The following MRPL37 variants were observed in gnomAD, a reference collection of about 807,000 sequenced individuals.
MRPL37 encodes the protein large ribosomal subunit protein mL37.
A neutral mutation model predicts 44.1 loss-of-function variants in MRPL37; 34 were observed. That is an observed-to-expected ratio of 0.77 (90% confidence interval 0.59 to 1.03). The LOEUF (loss-of-function observed/expected upper bound fraction) is 1.03. MRPL37 is among the 50% of genes least tolerant of loss of function. MRPL37 has a pLI of 0.00. For synonymous variants in MRPL37, 212 were observed against 219.5 expected, an observed-to-expected ratio of 0.97 and a Z score of 0.30; for missense variants, 532 against 543.7, an observed-to-expected ratio of 0.98 and a Z score of 0.21.
intron 3 of MRPL37, among the ~76,000 whole-genome samples, chr1:54,209,564 A>G (rs1413776463): frequency 6.7e-6 from 1 of 149,658 alleles, no homozygotes; most frequent in Non-Finnish European, 1.5e-5. Flanking sequence ...GGTTCATGCC[A>G]TTCTCCCGCC....
At chr1:54,220,644 A>G (rs756813753), downstream of MRPL37, 2 of 471,706 alleles carry the variant, frequency 4.2e-6, no homozygotes, top group African/African-American at 2.0e-5. Context: ...CCAAATGTCT[A>G]CCAGCTTCGT....
downstream of MRPL37, chr1:54,218,418 G>A: frequency 1.4e-6 from 2 of 1,464,504 alleles, no homozygotes; most frequent in Non-Finnish European, 1.8e-6. Context: ...ATCGGGAAGG[G>A]CGCCCACACA....
In MRPL37 at chr1:54,210,041, AC is replaced by A; in HGVS notation, c.743del (p.Thr248IlefsTer6). 1 of 1,614,176 alleles carries A rather than the reference AC, an allele frequency of 6.2e-7. No homozygotes were observed. Among genetic ancestry groups the A allele is most frequent in the Non-Finnish European group, 8.5e-7 (1 of 1,180,010 alleles). ...CGCCTCCAGAGAGGAGATTGAAGCT[AC>A]TAAGAATCATGTTCTAGAGACCTTC... is the stretch of plus-strand genomic sequence containing the variant. ...TIASREEIEA[T>X]KNHVLETFYP... On this transcript the variant is annotated frameshift_variant, in exon 4 of 7. Coordinates refer to ENST00000360840, the MANE Select transcript of MRPL37 (RefSeq NM_016491.4). LOFTEE classifies it high-confidence loss of function.
downstream of MRPL37, chr1:54,218,466 C>A: frequency 8.7e-7 from 1 of 1,148,172 alleles, no homozygotes; most frequent in Admixed American, 3.0e-5. Flanking sequence ...CCAGCTGAAG[C>A]CCAGCTCTGC....
downstream of MRPL37, among the ~76,000 whole-genome samples, chr1:54,221,750 G>C (rs778288209): frequency 6.6e-6 from 1 of 152,144 alleles, no homozygotes; most frequent in Non-Finnish European, 1.5e-5. Context: ...CTCCTCCCCA[G>C]CTAGGCCAAT....
At chr1:54,208,833 T>G (rs1461362711) in intron 3 of MRPL37, among the ~76,000 whole-genome samples, 3 of 152,006 alleles carry the variant, frequency 2.0e-5, no homozygotes, top group Non-Finnish European at 4.4e-5. Context: ...ATCTTTGACA[T>G]GATGTGGATG....
intron 5 of MRPL37, among the ~76,000 whole-genome samples, chr1:54,213,845 CG>C (rs931867003): frequency 6.6e-6 from 1 of 151,972 alleles, no homozygotes; most frequent in African/African-American, 2.4e-5. Context: ...GCCAGGAGTT[CG>C]AGACCAGCCT....
chr1:54,206,778 T>TG (rs1236595336), intron 3 of MRPL37, among the ~76,000 whole-genome samples: 8 of 151,798 alleles, frequency 5.3e-5, no homozygotes, highest in Non-Finnish European at 1.2e-4. Context: ...TTGCTCTTGT[T>TG]GCCTGGGCTG....
At chr1:54,216,949 G>A (rs899057260) in intron 6 of MRPL37, among the ~76,000 whole-genome samples, 5 of 152,074 alleles carry the variant, frequency 3.3e-5, no homozygotes, top group Admixed American at 6.6e-5. Flanking sequence ...CCACAGATAC[G>A]GAGTTCCTCC....
chr1:54,213,340 G>A (rs1644177336), intron 5 of MRPL37, among the ~76,000 whole-genome samples: 1 of 152,244 alleles, frequency 6.6e-6, no homozygotes, highest in Non-Finnish European at 1.5e-5. Flanking sequence ...GGTTTGGGGT[G>A]TGTTGGGGGG....
At chr1:54,218,042 C>CGA (rs1309245787) in intron 6 of MRPL37, 130 bp from the exon 7 acceptor site, 13 of 877,472 alleles carry the variant, frequency 1.5e-5, no homozygotes, top group East Asian at 4.8e-5. Flanking sequence ...CTTCTTAGTC[C>CGA]GAGAGAGAGA....
chr1:54,225,073 G>A (rs757804246), downstream of MRPL37: 284 of 1,233,328 alleles, frequency 2.3e-4, no homozygotes, highest in South Asian at 7.0e-4. Flanking sequence ...GGCCGATAGC[G>A]ACTCCCCATA....
chr1:54,216,555 C>T (rs992726790), intron 6 of MRPL37, among the ~76,000 whole-genome samples: 1 of 152,188 alleles, frequency 6.6e-6, no homozygotes, highest in Non-Finnish European at 1.5e-5. Flanking sequence ...TCCCTTTGCA[C>T]CCTCCAGCCA....
Position 54,209,937 on chromosome 1 carries a change from C to G in MRPL37, c.647-9C>G. On this transcript the variant is annotated splice_polypyrimidine_tract_variant and intron_variant, in intron 3 of 6. Coordinates refer to ENST00000360840, the MANE Select transcript of MRPL37 (RefSeq NM_016491.4). ...ACCAGGTTAGAGTAACCATTTTTCT[C>G]CCTTTTAGAGTCTCTTCTCCTTCAA... 6.2e-7 allele frequency: 1 copy of G among 1,611,866 alleles called. No homozygotes were observed. Among genetic ancestry groups the G allele is most frequent in the South Asian group, 1.1e-5 (1 of 90,668 alleles).
downstream of MRPL37, chr1:54,218,519 C>A: frequency 1.3e-6 from 1 of 747,234 alleles, no homozygotes; most frequent in Non-Finnish European, 2.0e-6. Flanking sequence ...CTTCATCTGT[C>A]TCTTTCCATT....
chr1:54,202,078 C>T (rs971799209), intron 1 of MRPL37, among the ~76,000 whole-genome samples: 1 of 151,692 alleles, frequency 6.6e-6, no homozygotes, highest in Non-Finnish European at 1.5e-5. Flanking sequence ...TCGTGCCTCA[C>T]TGCAGCCTTG....
chr1:54,216,395 C>G (rs769881468), intron 6 of MRPL37, 51 bp downstream of exon 6: 1 of 1,591,218 alleles, frequency 6.3e-7, no homozygotes, highest in South Asian at 1.1e-5. Flanking sequence ...CCTCCTCCTA[C>G]CTGGTGTGAG....
At chr1:54,211,490 C>CT (rs11405348) in intron 4 of MRPL37, among the ~76,000 whole-genome samples, 133,399 of 148,836 alleles carry the variant, frequency 0.9, 59,889 homozygotes, top group East Asian at 0.96. Context: ...TTCCTAGCCT[C>CT]TTTTTTTTTT....
At chr1:54,224,141 C>T (rs115152166), downstream of MRPL37, among the ~76,000 whole-genome samples, 1,483 of 152,112 alleles carry the variant, frequency 9.7e-3, 15 homozygotes, top group South Asian at 0.016. Context: ...ATCCCATCCA[C>T]CCAACCTCCT....
Sources: allele counts gnomAD v4.1 joint callset (sites outside exome capture counted in the v4.1 genomes callset), GRCh38; gene constraint gnomAD v4.1.1; transcripts MANE v1.5; gene names NCBI Gene and HGNC (gene_info 2026-07-23, HGNC 2026-07-21).